The following MLIP variants were observed in gnomAD, a reference collection of about 807,000 sequenced individuals.
MLIP encodes the protein muscular LMNA interacting protein, also known as muscular LMNA-interacting protein.
Under a neutral mutation model 84.8 loss-of-function variants are expected in MLIP, and 79 were observed. That is an observed-to-expected ratio of 0.93 (90% CI 0.78 to 1.12). The LOEUF (loss-of-function observed/expected upper bound fraction) is 1.12. Among genes scored for constraint, MLIP ranks in the 50% most tolerant of loss-of-function variants. The pLI is 0.00. For synonymous variants in MLIP, 504 were observed against 463.0 expected (o/e 1.09, Z -1.14); for missense variants, 1,257 against 1,160.6 (o/e 1.08, Z -1.21).
chr6:54,239,174 C>T (rs1781557283), intron 12 of MLIP, among the ~76,000 whole-genome samples: 1 of 151,838 alleles, frequency 6.6e-6, no homozygotes, highest in African/African-American at 2.4e-5. Context: ...GACTATTCAT[C>T]TCCTACCTCT....
At chr6:54,160,829 A>AC (rs1190247851) in intron 8 of MLIP, 30 bp downstream of exon 8, 1 of 1,568,758 alleles carries the variant, frequency 6.4e-7, no homozygotes. Flanking sequence ...AATTTATGGA[A>AC]CCATAAGATT....
chr6:54,045,030 T>C (rs1026813979), intron 1 of MLIP, among the ~76,000 whole-genome samples: 1 of 152,180 alleles, frequency 6.6e-6, no homozygotes, highest in Non-Finnish European at 1.5e-5. Flanking sequence ...ATTGTTGTTA[T>C]GATATCTCTT....
intron 1 of MLIP, among the ~76,000 whole-genome samples, chr6:54,071,025 A>G (rs763820068): frequency 2.4e-4 from 37 of 152,170 alleles, no homozygotes; most frequent in Non-Finnish European, 4.4e-4. Context: ...GACCCCTTAG[A>G]CAGAACTAAG....
At chr6:54,090,622 A>G (rs1767802706) in intron 1 of MLIP, among the ~76,000 whole-genome samples, 1 of 151,416 alleles carries the variant, frequency 6.6e-6, no homozygotes, top group Non-Finnish European at 1.5e-5. Flanking sequence ...TGTGCACGGC[A>G]TTCTATCTAT....
chr6:54,239,007 C>A lies in MLIP; in HGVS notation c.2922+8090C>A, dbSNP rs565832575. On this transcript the variant is annotated intron_variant, in intron 12 of 13. Transcript: ENST00000502396. ...TCTTCACATGTACTATGGATTCTCC[C>A]CTTTCTTCCACTGCTGTTAAATCCT... Among the ~76,000 whole-genome samples, 5 of 152,186 alleles carry A rather than the reference C, an allele frequency of 3.3e-5. No homozygotes were observed. In the East Asian group the frequency reaches 9.6e-4, roughly 29 times the overall value.
At chr6:54,083,681 A>T (rs2150360844) in intron 1 of MLIP, 2 of 1,487,582 alleles carry the variant, frequency 1.3e-6, no homozygotes, top group South Asian at 2.4e-5. Context: ...ATTTAACATC[A>T]ATGATAGCTG....
intron 1 of MLIP, among the ~76,000 whole-genome samples, chr6:54,081,216 C>T (rs1767124712): frequency 6.6e-6 from 1 of 152,048 alleles, no homozygotes; most frequent in Admixed American, 6.6e-5. Flanking sequence ...GAGGTGTTAC[C>T]TTCACAACCC....
intron 3 of MLIP, among the ~76,000 whole-genome samples, chr6:54,130,744 G>C (rs816367): frequency 0.57 from 85,867 of 151,974 alleles, 25,480 homozygotes; most frequent in South Asian, 0.7. Context: ...CATCAGAAAG[G>C]GTTCACAGAG....
chr6:54,241,997 A>T (rs911593666), intron 12 of MLIP, among the ~76,000 whole-genome samples: 6 of 152,262 alleles, frequency 3.9e-5, no homozygotes, highest in African/African-American at 1.4e-4. Context: ...AGAAATACAC[A>T]TATAGGAAAT....
intron 9 of MLIP, among the ~76,000 whole-genome samples, chr6:54,185,215 T>C (rs758880696): frequency 2.0e-5 from 3 of 152,206 alleles, no homozygotes; most frequent in Non-Finnish European, 4.4e-5. Flanking sequence ...TGGATGTAAT[T>C]GGATTCATTG....
intron 8 of MLIP, among the ~76,000 whole-genome samples, chr6:54,168,151 T>G (rs1775387691): frequency 6.6e-6 from 1 of 151,926 alleles, no homozygotes; most frequent in African/African-American, 2.4e-5. Flanking sequence ...CAGTTTTCTA[T>G]CCAACATTCT....
At chr6:54,171,469 T>C (rs1472320122) in intron 9 of MLIP, among the ~76,000 whole-genome samples, 1 of 151,540 alleles carries the variant, frequency 6.6e-6, no homozygotes, top group South Asian at 2.1e-4. Flanking sequence ...TGGAAGACCA[T>C]AAAGGATCAT....
At chr6:54,019,154 G>A in intron 1 of MLIP, 2 of 1,543,970 alleles carry the variant, frequency 1.3e-6, no homozygotes, top group Non-Finnish European at 1.8e-6. Flanking sequence ...TAGAGCAACT[G>A]TCATAGACTG....
At chr6:54,134,688 G>A (rs544198641) in intron 3 of MLIP, among the ~76,000 whole-genome samples, 2 of 152,000 alleles carry the variant, frequency 1.3e-5, no homozygotes, top group African/African-American at 4.8e-5. Flanking sequence ...CTCTGAATGA[G>A]ACCCTAACAG....
chr6:54,171,391 T>C (rs1012561892), intron 9 of MLIP, among the ~76,000 whole-genome samples: 3 of 151,610 alleles, frequency 2.0e-5, no homozygotes, highest in Non-Finnish European at 4.4e-5. Flanking sequence ...GAAGCTTTGT[T>C]TTCACTTTAT....
chr6:54,202,593 T>C (rs1451065328), intron 11 of MLIP, among the ~76,000 whole-genome samples: 1 of 152,028 alleles, frequency 6.6e-6, no homozygotes, highest in Non-Finnish European at 1.5e-5. Context: ...GCATTCTTAT[T>C]TCTAAAATCC....
At chr6:54,124,970 T>G in intron 3 of MLIP, 105 bp downstream of exon 3, 2 of 958,556 alleles carry the variant, frequency 2.1e-6, no homozygotes. Context: ...GACAAAACTT[T>G]CAAAGAAAAA....
At chr6:54,040,800 G>A (rs1764700760) in intron 1 of MLIP, among the ~76,000 whole-genome samples, 2 of 151,958 alleles carry the variant, frequency 1.3e-5, no homozygotes, top group African/African-American at 2.4e-5. Flanking sequence ...TATCCTAATA[G>A]AATTAATGAA....
chr6:54,093,410 G>A (rs890891359), intron 1 of MLIP, among the ~76,000 whole-genome samples: 7 of 103,876 alleles, frequency 6.7e-5, no homozygotes, highest in African/African-American at 2.5e-4. Flanking sequence ...TATCTAATTC[G>A]TTTTTTAAAA....
Sources: allele counts gnomAD v4.1 joint callset (sites outside exome capture counted in the v4.1 genomes callset), GRCh38; gene constraint gnomAD v4.1.1; transcripts MANE v1.5; gene names NCBI Gene and HGNC (gene_info 2026-07-23, HGNC 2026-07-21).